The following SORCS2 variants were observed in gnomAD, a reference collection of about 807,000 sequenced individuals.
The protein encoded by SORCS2 is sortilin related VPS10 domain containing receptor 2.
A neutral mutation model predicts 141.6 loss-of-function variants in SORCS2; 100 were observed. The ratio of observed to expected loss-of-function variants is 0.71; its 90% CI spans 0.60 to 0.83. The LOEUF is 0.83. SORCS2 is among the 40% of genes least tolerant of loss of function. The pLI is 0.00. For synonymous variants in SORCS2, 789 were observed against 676.9 expected (o/e 1.17, Z -2.57); for missense variants, 1,646 against 1,560.2 (o/e 1.05, Z -0.93).
At chr4:7,720,072 T>C (rs188868892) in intron 18 of SORCS2, among the ~76,000 whole-genome samples, 258 of 152,144 alleles carry the variant, frequency 1.7e-3, no homozygotes, top group East Asian at 0.015. Context: ...GACACACACA[T>C]GCTTACACGC....
At chr4:7,298,816 C>G (rs1434390721) in intron 1 of SORCS2, among the ~76,000 whole-genome samples, 1 of 152,218 alleles carries the variant, frequency 6.6e-6, no homozygotes, top group Non-Finnish European at 1.5e-5. Flanking sequence ...GGCCCCTGTT[C>G]TGCAAACATC....
At chr4:7,699,622 G>A (rs946808205) in intron 12 of SORCS2, among the ~76,000 whole-genome samples, 1 of 152,276 alleles carries the variant, frequency 6.6e-6, no homozygotes, top group Non-Finnish European at 1.5e-5. Context: ...TTAGGCTCCT[G>A]GTGGAGCCAG....
chr4:7,354,389 C>T (rs1721125866), intron 1 of SORCS2, among the ~76,000 whole-genome samples: 1 of 152,016 alleles, frequency 6.6e-6, no homozygotes, highest in Admixed American at 6.5e-5. Context: ...CCCTGGCTTT[C>T]TCCCCCAAGA....
In SORCS2 at chr4:7,519,825, TTCTGC is replaced by T. The variant is rs1417957495; in HGVS notation, c.549-11704_549-11700del. Among the ~76,000 whole-genome samples, 44 of 152,354 alleles carry T rather than the reference TTCTGC, an allele frequency of 2.9e-4. 1 individual carries two copies. Among genetic ancestry groups the T allele is most frequent in the Non-Finnish European group, 5.1e-4 (35 of 68,040 alleles). ...CCTCCCAGAGGGCGCACATGGGGGC[TTCTGC>T]CGTGCTAGAGCAGCAGCTGCATTTC... On this transcript the variant is annotated intron_variant, in intron 2 of 26. Transcript: ENST00000507866.
chr4:7,349,729 C>T (rs1720832503), intron 1 of SORCS2, among the ~76,000 whole-genome samples: 1 of 152,164 alleles, frequency 6.6e-6, no homozygotes, highest in Admixed American at 6.5e-5. Flanking sequence ...AGGTCCAGGC[C>T]TGGCCTTTTG....
At chr4:7,434,666 C>G (rs1727164870) in intron 2 of SORCS2, 1 of 1,612,610 alleles carries the variant, frequency 6.2e-7, no homozygotes, top group African/African-American at 1.3e-5. Flanking sequence ...CCAGCGGCGG[C>G]TGCTATGTCC....
At chr4:7,364,821 A>C (rs548939656) in intron 1 of SORCS2, among the ~76,000 whole-genome samples, 1 of 152,344 alleles carries the variant, frequency 6.6e-6, no homozygotes, top group South Asian at 2.1e-4. Flanking sequence ...CTGACATCAC[A>C]GAGTGCACGG....
chr4:7,404,945 A>G (rs1370727983), intron 2 of SORCS2, among the ~76,000 whole-genome samples: 1 of 152,160 alleles, frequency 6.6e-6, no homozygotes, highest in Non-Finnish European at 1.5e-5. Context: ...AATATTCAGA[A>G]GAGCTTTCCC....
At chr4:7,604,567 G>A (rs1717942747) in intron 3 of SORCS2, among the ~76,000 whole-genome samples, 1 of 152,214 alleles carries the variant, frequency 6.6e-6, no homozygotes, top group Non-Finnish European at 1.5e-5. Flanking sequence ...CCAAAGTGCT[G>A]GGATTACAGG....
At chr4:7,223,295 G>GCA (rs10553971) in intron 1 of SORCS2, among the ~76,000 whole-genome samples, 1,485 of 129,728 alleles carry the variant, frequency 0.011, 20 homozygotes, top group African/African-American at 0.034. Context: ...GTGTATATGC[G>GCA]CACACACACA....
At chr4:7,707,856 C>T (rs1725568260) in intron 14 of SORCS2, among the ~76,000 whole-genome samples, 1 of 152,190 alleles carries the variant, frequency 6.6e-6, no homozygotes, top group South Asian at 2.1e-4. Flanking sequence ...AGGGGCCTGG[C>T]TGGGGAGAGG....
At chr4:7,490,857 C>T (rs1030249576) in intron 2 of SORCS2, among the ~76,000 whole-genome samples, 1 of 152,160 alleles carries the variant, frequency 6.6e-6, no homozygotes. Context: ...CTGGGCACTG[C>T]CCTGCTTCCT....
intron 1 of SORCS2, among the ~76,000 whole-genome samples, chr4:7,204,951 T>G (rs1368173056): frequency 6.6e-6 from 1 of 152,236 alleles, no homozygotes; most frequent in Non-Finnish European, 1.5e-5. Context: ...TTTCTCTTCC[T>G]CCTCTGCTTT....
chr4:7,633,799 T>A (rs1477750106), intron 3 of SORCS2, among the ~76,000 whole-genome samples: 1 of 59,388 alleles, frequency 1.7e-5, no homozygotes, highest in Non-Finnish European at 5.0e-5. Flanking sequence ...CATGTGTCCG[T>A]CAGGCGGGAT....
At chr4:7,568,588 G>A (rs1715177390) in intron 3 of SORCS2, among the ~76,000 whole-genome samples, 1 of 152,028 alleles carries the variant, frequency 6.6e-6, no homozygotes, top group Admixed American at 6.5e-5. Context: ...GCAAAGAGTT[G>A]GTATCACTGA....
chr4:7,708,409 G>A (rs1354191446), intron 14 of SORCS2, among the ~76,000 whole-genome samples: 1 of 152,198 alleles, frequency 6.6e-6, no homozygotes. Flanking sequence ...TCCCAAGAAG[G>A]CGAGGGCCCC....
chr4:7,563,192 C>G (rs1714728965), intron 3 of SORCS2, among the ~76,000 whole-genome samples: 1 of 152,108 alleles, frequency 6.6e-6, no homozygotes, highest in Non-Finnish European at 1.5e-5. Context: ...GGTCCCACAC[C>G]AGGCATGCCC....
intron 2 of SORCS2, among the ~76,000 whole-genome samples, chr4:7,439,563 C>A (rs926387257): frequency 1.3e-5 from 2 of 152,214 alleles, no homozygotes; most frequent in Non-Finnish European, 2.9e-5. Context: ...TGCTCCTTCC[C>A]AGTTACTTGT....
chr4:7,604,814 A>G (rs186848329), intron 3 of SORCS2, among the ~76,000 whole-genome samples: 2 of 152,266 alleles, frequency 1.3e-5, no homozygotes, highest in African/African-American at 2.4e-5. Context: ...GAACAGACTA[A>G]TACAAGGCCA....
Sources: allele counts gnomAD v4.1 joint callset (sites outside exome capture counted in the v4.1 genomes callset), GRCh38; gene constraint gnomAD v4.1.1; transcripts MANE v1.5; gene names NCBI Gene and HGNC (gene_info 2026-07-23, HGNC 2026-07-21).